NDUFA9: variants seen among roughly 807,000 people sequenced by gnomAD.
NDUFA9 encodes the protein NADH:ubiquinone oxidoreductase subunit A9.
NDUFA9 carries 23 observed loss-of-function variants against 45.9 expected under a neutral mutation model. That is an observed-to-expected ratio of 0.50 (90% CI 0.36 to 0.71). NDUFA9 has a LOEUF of 0.71. Among genes scored for constraint, NDUFA9 ranks in the 30% least tolerant of loss-of-function variants. The pLI, the probability that NDUFA9 is intolerant of heterozygous loss-of-function variation, is 0.00. For synonymous variants in NDUFA9, 176 were observed against 170.5 expected, an observed-to-expected ratio of 1.03 and a Z score of -0.25; for missense variants, 466 against 488.2, an observed-to-expected ratio of 0.95 and a Z score of 0.43.
intron 3 of NDUFA9, chr12:4,655,372 C>T (rs2137462920): frequency 6.5e-6 from 1 of 154,848 alleles, no homozygotes; most frequent in Non-Finnish European, 1.4e-5. Context: ...CCACATGTGG[C>T]TACTGAGCAC....
At chr12:4,654,959 T>G (rs759871638) in intron 3 of NDUFA9, 37 bp downstream of exon 3, 5 of 1,538,094 alleles carry the variant, frequency 3.3e-6, no homozygotes, top group Non-Finnish European at 4.5e-6. Context: ...TTGACAAATA[T>G]AAATTACTAA....
Position 4,682,271 on chromosome 12 carries a change from C to A in NDUFA9, c.867C>A (p.Leu289=). The A allele has an allele frequency of 6.2e-7, 1 of 1,613,318 alleles. No homozygotes were observed. Among genetic ancestry groups the A allele is most frequent in the African/African-American group, 1.3e-5 (1 of 75,006 alleles). Residue 289 remains leucine (L), a synonymous_variant, in exon 9 of 11, where the codon CTC becomes CTA. Transcript: ENST00000266544. Reference sequence around the variant, plus strand: ...TTGCTGTGGCTCACAGATTGTTCCTCCCATTCCCCTTGCCGCTTTTTGCCT... The same window carrying A: ...TTGCTGTGGCTCACAGATTGTTCCTACCATTCCCCTTGCCGCTTTTTGCCT... ...YIFAVAHRLF[L]PFPLPLFAYR...
Position 4,654,936 on chromosome 12 carries a change from T to G in NDUFA9, c.318+14T>G. On this transcript the variant is annotated intron_variant, in intron 3 of 10. Transcript: ENST00000266544. ...CTTCTGTTTCTGGTAAGGGCCTTTATGACTGAATGAAGTTGACAAATATAA... is the reference window on the plus strand; with the variant it reads ...CTTCTGTTTCTGGTAAGGGCCTTTAGGACTGAATGAAGTTGACAAATATAA... 3 of 1,593,256 alleles carry G rather than the reference T, an allele frequency of 1.9e-6. No individual in the cohort carries two copies. The highest frequency in any genetic ancestry group is 2.6e-6 in the Non-Finnish European group (3 of 1,164,192).
chr12:4,673,536 A>T (rs1408873873), intron 8 of NDUFA9, among the ~76,000 whole-genome samples: 2 of 152,262 alleles, frequency 1.3e-5, no homozygotes, highest in Non-Finnish European at 2.9e-5. Flanking sequence ...AGCATACACA[A>T]GTATCAATAG....
Position 4,654,368 on chromosome 12 carries a change from T to A in NDUFA9, c.126T>A (p.Pro42=). Residue 42 remains proline (P), a synonymous_variant, in exon 2 of 11, where the codon CCT becomes CCA. Coordinates refer to ENST00000266544, the MANE Select transcript of NDUFA9 (RefSeq NM_005002.5). ...GCCAGCTTCATCATGCCCTCATGCC[T>A]CATGGGAAAGGTGGACGTTCCTCAG... The part of the protein sequence containing the change: ...PCRQLHHALM[P]HGKGGRSSVS... 6.2e-7 allele frequency: 1 copy of A among 1,614,152 alleles called. No homozygotes were observed. Among genetic ancestry groups the A allele is most frequent in the Non-Finnish European group, 8.5e-7 (1 of 1,180,010 alleles).
chr12:4,680,590 A>G (rs972520450), intron 8 of NDUFA9, among the ~76,000 whole-genome samples: 3 of 152,184 alleles, frequency 2.0e-5, no homozygotes, highest in Non-Finnish European at 4.4e-5. Context: ...TTAACCCATG[A>G]TACCAGTTTT....
intron 8 of NDUFA9, among the ~76,000 whole-genome samples, chr12:4,675,536 A>G (rs747928025): frequency 6.6e-6 from 1 of 152,264 alleles, no homozygotes; most frequent in African/African-American, 2.4e-5. Context: ...AAACACCTCT[A>G]TACCAGTAAA....
intron 9 of NDUFA9, 77 bp downstream of exon 9, chr12:4,682,377 G>A (rs1351823019): frequency 9.8e-6 from 10 of 1,023,238 alleles, no homozygotes; most frequent in Non-Finnish European, 1.3e-5. Context: ...CTCCCTTAGG[G>A]TTATAGGGTG....
At chr12:4,678,266 A>G (rs1483926796) in intron 8 of NDUFA9, among the ~76,000 whole-genome samples, 1 of 152,132 alleles carries the variant, frequency 6.6e-6, no homozygotes, top group Non-Finnish European at 1.5e-5. Flanking sequence ...CATGTACCCC[A>G]GAAGTTAAAG....
intron 8 of NDUFA9, among the ~76,000 whole-genome samples, chr12:4,670,488 A>G (rs1414313925): frequency 6.6e-6 from 1 of 152,224 alleles, no homozygotes; most frequent in Non-Finnish European, 1.5e-5. Context: ...GACACTTGAC[A>G]TCTATGAAAG....
intron 6 of NDUFA9, 21 bp downstream of exon 6, chr12:4,662,656 G>A: frequency 6.4e-7 from 1 of 1,567,008 alleles, no homozygotes; most frequent in Non-Finnish European, 8.8e-7. Flanking sequence ...TTTCTTAATG[G>A]TAGAAGAGAG....
intron 8 of NDUFA9, among the ~76,000 whole-genome samples, chr12:4,675,741 G>A (rs1314231787): frequency 2.6e-5 from 4 of 152,292 alleles, no homozygotes; most frequent in African/African-American, 9.6e-5. Context: ...ACAAAGAGGA[G>A]CTGGTACCAT....
chr12:4,654,566 T>C, intron 2 of NDUFA9, 104 bp downstream of exon 2: 2 of 1,311,308 alleles, frequency 1.5e-6, no homozygotes, highest in Non-Finnish European at 2.1e-6. Context: ...TATTATGAAT[T>C]ACTCCTGTCT....
chr12:4,665,157 T>G (rs1945845946), intron 6 of NDUFA9, among the ~76,000 whole-genome samples: 1 of 152,204 alleles, frequency 6.6e-6, no homozygotes, highest in African/African-American at 2.4e-5. Context: ...TTCAGTAGTA[T>G]TAAGATATTT....
At chr12:4,659,339 GT>G (rs1318565509) in intron 5 of NDUFA9, among the ~76,000 whole-genome samples, 162 bp downstream of exon 5, 2 of 143,006 alleles carry the variant, frequency 1.4e-5, no homozygotes, top group Non-Finnish European at 3.2e-5. Flanking sequence ...ATGTTTTGAC[GT>G]TTTGATTGAT....
At chr12:4,673,311 T>A (rs1408575186) in intron 8 of NDUFA9, among the ~76,000 whole-genome samples, 1 of 152,128 alleles carries the variant, frequency 6.6e-6, no homozygotes, top group Non-Finnish European at 1.5e-5. Flanking sequence ...AAGCCTCTTT[T>A]CCTCCAAAGG....
rs1175579738 is a variant in NDUFA9 at position 4,687,311 on chromosome 12, A to G, written c.*203A>G. ...AACTTGAGCATGATTTTTGTTAAACATATTTAATAATGATATATATACTAT... is the reference window on the plus strand; with the variant it reads ...AACTTGAGCATGATTTTTGTTAAACGTATTTAATAATGATATATATACTAT... On this transcript the variant is annotated 3_prime_UTR_variant, in exon 11 of 11. Coordinates refer to ENST00000266544, the MANE Select transcript of NDUFA9 (RefSeq NM_005002.5). 2.0e-6 allele frequency: 1 copy of G among 493,908 alleles called. No homozygotes were observed. Among genetic ancestry groups the G allele is most frequent in the African/African-American group, 1.9e-5 (1 of 51,624 alleles). The allele number at this position is 493,908 out of a possible 1,614,324, so 30.6% of individuals were successfully genotyped here. A position where few individuals can be genotyped will look rare whatever the true frequency, so the allele number is the denominator to read the frequency against.
chr12:4,676,103 A>G (rs1450693156), intron 8 of NDUFA9, among the ~76,000 whole-genome samples: 2 of 152,240 alleles, frequency 1.3e-5, no homozygotes, highest in Non-Finnish European at 2.9e-5. Flanking sequence ...CTTCATGCTA[A>G]GAACCCTCAA....
At chr12:4,671,771 G>A (rs1247517094) in intron 8 of NDUFA9, among the ~76,000 whole-genome samples, 2 of 152,076 alleles carry the variant, frequency 1.3e-5, no homozygotes, top group African/African-American at 2.4e-5. Flanking sequence ...ATGGACAATT[G>A]ATTTTTGAAA....
Sources: gnomAD v4.1 joint callset for allele counts (sites outside exome capture counted in the v4.1 genomes callset) on GRCh38, gnomAD v4.1.1 for gene constraint, MANE v1.5 for transcripts, NCBI Gene and HGNC (gene_info 2026-07-23, HGNC 2026-07-21) for gene names.